MRRF: variants seen among roughly 807,000 people sequenced by gnomAD.
The protein encoded by MRRF is ribosome-recycling factor, mitochondrial.
MRRF carries 18 observed loss-of-function variants against 25.1 expected under a neutral mutation model. The ratio of observed to expected loss-of-function variants is 0.72; its 90% CI spans 0.50 to 1.06. The LOEUF (loss-of-function observed/expected upper bound fraction) is 1.06, where lower values mean the gene tolerates loss of function less well. Ranked by LOEUF, MRRF falls within the 50% of genes least tolerant of loss-of-function variation. The pLI, the probability that MRRF is intolerant of heterozygous loss-of-function variation, is 0.00. For synonymous variants in MRRF, 113 were observed against 112.1 expected, an observed-to-expected ratio of 1.01 and a Z score of -0.05; for missense variants, 323 against 319.3, an observed-to-expected ratio of 1.01 and a Z score of -0.09.
chr9:122,317,962 C>G (rs1036231408), intron 6 of MRRF, among the ~76,000 whole-genome samples: 9 of 151,986 alleles, frequency 5.9e-5, no homozygotes, highest in African/African-American at 9.7e-5. Context: ...ACGGTGAAAC[C>G]CTGTCTTTAC....
intron 5 of MRRF, among the ~76,000 whole-genome samples, chr9:122,304,961 C>T (rs62575585): frequency 0.02 from 3,004 of 151,152 alleles, 100 homozygotes; most frequent in African/African-American, 0.064. Context: ...TTTTTTTTTC[C>T]AGACAGGGTC....
intron 5 of MRRF, among the ~76,000 whole-genome samples, chr9:122,305,807 G>C (rs888370901): frequency 6.6e-6 from 1 of 152,206 alleles, no homozygotes; most frequent in African/African-American, 2.4e-5. Flanking sequence ...GCTTTGAGAG[G>C]AGAGAGGAAG....
chr9:122,308,060 A>T (rs1457925988), intron 5 of MRRF, among the ~76,000 whole-genome samples: 3 of 152,218 alleles, frequency 2.0e-5, no homozygotes, highest in South Asian at 4.1e-4. Flanking sequence ...GGAATTTTTC[A>T]GGAAGGCCCC....
chr9:122,299,936 G>A lies in MRRF; in HGVS notation c.551+8096G>A, dbSNP rs562417274. 2.0e-5 allele frequency among the ~76,000 whole-genome samples: 3 copies of A among 152,304 alleles called. No individual in the cohort carries two copies. In the South Asian group the frequency reaches 6.2e-4, roughly 32 times the overall value. On this transcript the variant is annotated intron_variant, in intron 5 of 6. Coordinates refer to ENST00000344641, the MANE Select transcript of MRRF (RefSeq NM_138777.5). ...TCAAATTCCTGTTCTGTCACTGTGGGTATGTCAGCTTGGGTCTTCTGAGAA... is the reference window on the plus strand; with the variant it reads ...TCAAATTCCTGTTCTGTCACTGTGGATATGTCAGCTTGGGTCTTCTGAGAA...
chr9:122,304,136 A>T (rs1444421987), intron 5 of MRRF, among the ~76,000 whole-genome samples: 1 of 151,946 alleles, frequency 6.6e-6, no homozygotes, highest in African/African-American at 2.4e-5. Flanking sequence ...ACTCTCAAAG[A>T]TGAATGCCTC....
rs545532784 is a variant in MRRF, at chr9:122,330,950, AT to A, written c.*8334del. Reference sequence around the variant, plus strand: ...GTCTCCACACAGAGGAACACTTGGCATCAGGGAGTCTGTTGTCTGACCCGCA... The same window carrying A: ...GTCTCCACACAGAGGAACACTTGGCACAGGGAGTCTGTTGTCTGACCCGCA... On this transcript the variant is annotated 3_prime_UTR_variant, in exon 7 of 7. Coordinates refer to ENST00000344641, the MANE Select transcript of MRRF (RefSeq NM_138777.5). The surrounding 1 kb of genome is among the most constrained non-coding windows in gnomAD (Gnocchi z 4.2). 3.3e-5 allele frequency: 5 copies of A among 152,270 alleles called. No individual in the cohort carries two copies. The highest frequency in any genetic ancestry group is 7.3e-5 in the Non-Finnish European group (5 of 68,080). The allele number at this position is 152,270 out of a possible 1,614,324, so 9.4% of individuals were successfully genotyped here. A position where few individuals can be genotyped will look rare whatever the true frequency, so the allele number is the denominator to read the frequency against.
intron 5 of MRRF, among the ~76,000 whole-genome samples, chr9:122,298,009 A>T (rs1485505062): frequency 6.6e-6 from 1 of 151,916 alleles, no homozygotes; most frequent in East Asian, 1.9e-4. Context: ...CTATGATTGA[A>T]CTCACTCTGT....
At chr9:122,284,775 T>C (rs1833281351) in intron 3 of MRRF, among the ~76,000 whole-genome samples, 1 of 152,142 alleles carries the variant, frequency 6.6e-6, no homozygotes, top group Admixed American at 6.6e-5. Flanking sequence ...CCTAAATGTT[T>C]GTTGAATCTG....
At chr9:122,315,570 C>T (rs1428194336) in intron 6 of MRRF, among the ~76,000 whole-genome samples, 2 of 152,190 alleles carry the variant, frequency 1.3e-5, no homozygotes, top group Non-Finnish European at 2.9e-5. Flanking sequence ...TCCCCTCTTG[C>T]CATCTCTCTG....
chr9:122,275,285 G>A (rs112178717), intron 2 of MRRF, among the ~76,000 whole-genome samples: 5 of 151,788 alleles, frequency 3.3e-5, no homozygotes, highest in Admixed American at 6.6e-5. Context: ...ACCCCACCCC[G>A]CTGACCCCTG....
intron 6 of MRRF, among the ~76,000 whole-genome samples, chr9:122,314,648 T>C (rs557768733): frequency 6.6e-6 from 1 of 152,268 alleles, no homozygotes; most frequent in Non-Finnish European, 1.5e-5. Flanking sequence ...GTGACACACT[T>C]AAAAGATTTT....
At chr9:122,319,361 A>G (rs1835735171) in intron 6 of MRRF, among the ~76,000 whole-genome samples, 1 of 152,034 alleles carries the variant, frequency 6.6e-6, no homozygotes, top group Non-Finnish European at 1.5e-5. Flanking sequence ...CGTGTTAGCC[A>G]GGATGGTCTC....
intron 5 of MRRF, among the ~76,000 whole-genome samples, chr9:122,294,016 G>A (rs1275567618): frequency 6.6e-6 from 1 of 152,202 alleles, no homozygotes; most frequent in Admixed American, 6.5e-5. Context: ...TGTACACATG[G>A]ACGTTAGAAG....
intron 5 of MRRF, among the ~76,000 whole-genome samples, chr9:122,294,786 A>T (rs1833983396): frequency 6.6e-6 from 1 of 152,198 alleles, no homozygotes; most frequent in African/African-American, 2.4e-5. Context: ...GCATAATGAT[A>T]AGCAGAGATG....
intron 5 of MRRF, among the ~76,000 whole-genome samples, chr9:122,303,515 G>A (rs2118895640): frequency 6.6e-6 from 1 of 151,852 alleles, no homozygotes; most frequent in East Asian, 1.9e-4. Context: ...GAGTAGCTGG[G>A]ACTACAGGCA....
At chr9:122,308,372 G>A (rs936410662) in intron 5 of MRRF, among the ~76,000 whole-genome samples, 1 of 148,230 alleles carries the variant, frequency 6.7e-6, no homozygotes, top group African/African-American at 2.5e-5. Flanking sequence ...TTTTTAAAAT[G>A]TACTGTTTTA....
intron 1 of MRRF, among the ~76,000 whole-genome samples, chr9:122,269,743 A>G (rs1054195769): frequency 1.3e-5 from 2 of 152,024 alleles, no homozygotes; most frequent in Admixed American, 1.3e-4. Flanking sequence ...AATAAAGATA[A>G]TATTTTTTTA....
Position 122,328,783 on chromosome 9 carries a change from C to T in MRRF, c.*6166C>T, listed in dbSNP as rs1003035242. ...GAGGAAGAGGGTTGCTTCACATAGA[C>T]GAAGTTCAGTTTTTGTGGAATAAAC... On this transcript the variant is annotated 3_prime_UTR_variant, in exon 7 of 7. Coordinates refer to ENST00000344641, the MANE Select transcript of MRRF (RefSeq NM_138777.5). The T allele has an allele frequency of 2.0e-5, 3 of 151,836 alleles. No homozygotes were observed. The highest frequency in any genetic ancestry group is 1.9e-4 in the East Asian group (1 of 5,172). The allele number at this position is 151,836 out of a possible 1,614,324, so 9.4% of individuals were successfully genotyped here.
intron 2 of MRRF, among the ~76,000 whole-genome samples, chr9:122,276,893 G>T (rs754103733): frequency 2.0e-5 from 3 of 151,960 alleles, no homozygotes; most frequent in South Asian, 2.1e-4. Flanking sequence ...TTTTGAGACG[G>T]GGTCTTGCCC....
Sources: gnomAD v4.1 joint callset for allele counts (sites outside exome capture counted in the v4.1 genomes callset) on GRCh38, gnomAD v4.1.1 for gene constraint, Gnocchi (gnomAD v3.1) non-coding constraint, MANE v1.5 for transcripts, NCBI Gene and HGNC (gene_info 2026-07-23, HGNC 2026-07-21) for gene names.